Variants in RNF38 observed in about 807,000 individuals in gnomAD.
RNF38 encodes E3 ubiquitin-protein ligase RNF38.
RNF38 carries 15 observed loss-of-function variants against 67.2 expected under a neutral mutation model. That is an observed-to-expected ratio of 0.22 (90% CI 0.15 to 0.34). The LOEUF is 0.34. Among genes scored for constraint, RNF38 ranks in the 10% least tolerant of loss-of-function variants. RNF38 has a pLI of 1.00. For synonymous variants in RNF38, 220 were observed against 218.8 expected, an observed-to-expected ratio of 1.01 and a Z score of -0.05; for missense variants, 524 against 639.9, an observed-to-expected ratio of 0.82 and a Z score of 1.95.
chr9:36,370,052 T>G, intron 3 of RNF38, 120 bp from the exon 4 acceptor site: 1 of 790,238 alleles, frequency 1.3e-6, no homozygotes, highest in Non-Finnish European at 1.9e-6. Flanking sequence ...ATTAAATAAC[T>G]GCTAAAATTC....
At chr9:36,409,404 C>A (rs1345684383) in intron 2 of RNF38, among the ~76,000 whole-genome samples, 1 of 152,162 alleles carries the variant, frequency 6.6e-6, no homozygotes, top group East Asian at 1.9e-4. Context: ...AGCTACTTTA[C>A]TTTTGGGAAA....
At chr9:36,397,293 T>C (rs1837615686) in intron 1 of RNF38, among the ~76,000 whole-genome samples, 1 of 152,062 alleles carries the variant, frequency 6.6e-6, no homozygotes, top group South Asian at 2.1e-4. Flanking sequence ...TTTTTATTTT[T>C]AGTAGAGACA....
At chr9:36,367,726 C>G (rs1330866321) in intron 4 of RNF38, among the ~76,000 whole-genome samples, 1 of 152,104 alleles carries the variant, frequency 6.6e-6, no homozygotes, top group Non-Finnish European at 1.5e-5. Flanking sequence ...TTGTTGTATT[C>G]ATCTATGAAG....
At chr9:36,386,110 T>C (rs770010839) in intron 2 of RNF38, among the ~76,000 whole-genome samples, 5 of 152,344 alleles carry the variant, frequency 3.3e-5, no homozygotes, top group East Asian at 1.9e-4. Flanking sequence ...GTAATAAAGA[T>C]GTGTTTGGGC....
At chr9:36,480,129 C>T (rs544790070) in intron 1 of RNF38, among the ~76,000 whole-genome samples, 19 of 152,072 alleles carry the variant, frequency 1.2e-4, no homozygotes, top group Admixed American at 2.6e-4. Context: ...CAGGTTCACA[C>T]CACCACACCC....
intron 1 of RNF38, among the ~76,000 whole-genome samples, chr9:36,478,777 A>G (rs1018867990): frequency 6.7e-6 from 1 of 149,668 alleles, no homozygotes; most frequent in Non-Finnish European, 1.5e-5. Context: ...AGATGGCGCC[A>G]CTGCACTCCA....
chr9:36,476,974 CA>C (rs1376534742), intron 1 of RNF38, among the ~76,000 whole-genome samples: 1 of 152,010 alleles, frequency 6.6e-6, no homozygotes, highest in Non-Finnish European at 1.5e-5. Context: ...ATTACAGCAA[CA>C]AAAAGGGCCA....
At chr9:36,384,454 G>C (rs1354058281) in intron 2 of RNF38, among the ~76,000 whole-genome samples, 1 of 152,092 alleles carries the variant, frequency 6.6e-6, no homozygotes, top group Non-Finnish European at 1.5e-5. Context: ...TGAAAACAAG[G>C]CCCAATACGG....
chr9:36,413,246 A>T (rs1420848270), intron 2 of RNF38, among the ~76,000 whole-genome samples: 1 of 151,886 alleles, frequency 6.6e-6, no homozygotes, highest in Non-Finnish European at 1.5e-5. Flanking sequence ...AAAAAAAAAA[A>T]AAAGCATGGC....
intron 2 of RNF38, among the ~76,000 whole-genome samples, chr9:36,419,166 T>C (rs1256921577): frequency 6.6e-6 from 1 of 152,144 alleles, no homozygotes; most frequent in African/African-American, 2.4e-5. Context: ...TTTGGGATGC[T>C]CAACCAGTAT....
chr9:36,369,187 A>G (rs1039176723), intron 4 of RNF38, among the ~76,000 whole-genome samples: 6 of 152,230 alleles, frequency 3.9e-5, no homozygotes, highest in African/African-American at 9.6e-5. Flanking sequence ...TCTTAAATCA[A>G]TAATTTCAAA....
upstream of RNF38, chr9:36,487,615 C>G (rs1424652257): frequency 2.1e-6 from 2 of 975,518 alleles, no homozygotes; most frequent in South Asian, 4.6e-5. Context: ...GCGGCAGGCG[C>G]TGGCTGGGCC....
rs60691553 is a variant in RNF38, at chr9:36,446,810, GA to G, written n.242-22128del. ...GCGACAGAGTGAGACTCCGCCTCAA[GA>G]AAAAAAAAAAAAAAAAAAAAAAAAA... On this transcript the variant is annotated intron_variant and non_coding_transcript_variant, in intron 1 of 3. Coordinates refer to the RNF38 transcript ENST00000488058. Among the ~76,000 whole-genome samples the G allele has an allele frequency of 8.2e-3, 232 of 28,188 alleles. 1 individual carries two copies. Among genetic ancestry groups the G allele is most frequent in the African/African-American group, 0.016 (124 of 7,690 alleles). 18.5% of individuals were successfully genotyped at this position (28,188 alleles called of 152,430 possible).
intron 1 of RNF38, among the ~76,000 whole-genome samples, chr9:36,391,428 G>T (rs893037294): frequency 6.6e-6 from 1 of 151,752 alleles, no homozygotes; most frequent in African/African-American, 2.4e-5. Flanking sequence ...CCACTGTGCT[G>T]TGACAGTGAA....
At chr9:36,478,462 T>C (rs1280949089) in intron 1 of RNF38, among the ~76,000 whole-genome samples, 1 of 141,132 alleles carries the variant, frequency 7.1e-6, no homozygotes, top group Non-Finnish European at 1.5e-5. Context: ...GATAAACTGA[T>C]TTTTTTTCTG....
intron 3 of RNF38, among the ~76,000 whole-genome samples, chr9:36,374,435 C>A (rs1165738114): frequency 2.0e-5 from 3 of 152,216 alleles, no homozygotes; most frequent in Non-Finnish European, 2.9e-5. Context: ...CTCTTGCAGA[C>A]AACTACATCT....
intron 2 of RNF38, among the ~76,000 whole-genome samples, chr9:36,420,188 C>T (rs1022495132): frequency 1.3e-5 from 2 of 152,142 alleles, no homozygotes; most frequent in Non-Finnish European, 2.9e-5. Context: ...ACTGATAAAA[C>T]TGGAATAAAG....
intron 1 of RNF38, among the ~76,000 whole-genome samples, chr9:36,454,316 C>T (rs1189554305): frequency 1.3e-5 from 2 of 151,860 alleles, no homozygotes; most frequent in African/African-American, 2.4e-5. Context: ...TTAGTAGAGA[C>T]GTGGTTTTGC....
Position 36,436,532 on chromosome 9 carries a change from T to G in RNF38, n.242-11849A>C, listed in dbSNP as rs74755200. Among the ~76,000 whole-genome samples the G allele has an allele frequency of 7.4e-3, 1,130 of 152,170 alleles. 21 individuals are homozygous for G. The highest frequency in any genetic ancestry group is 0.026 in the African/African-American group (1,081 of 41,510). On this transcript the variant is annotated intron_variant and non_coding_transcript_variant, in intron 1 of 3. Coordinates refer to the RNF38 transcript ENST00000488058. ...TTACAGACGCAATAGTAAGAAACAC[T>G]TAAAATCGTAGCTGGGCGCAGTGGC...
Sources: gnomAD v4.1 joint callset for allele counts (sites outside exome capture counted in the v4.1 genomes callset) on GRCh38, gnomAD v4.1.1 for gene constraint, MANE v1.5 for transcripts, NCBI Gene and HGNC (gene_info 2026-07-23, HGNC 2026-07-21) for gene names.